AP2B1: variants seen among roughly 807,000 people sequenced by gnomAD.
AP2B1 encodes the protein adaptor related protein complex 2 subunit beta 1.
Under a neutral mutation model 102.0 loss-of-function variants are expected in AP2B1, and 23 were observed. The observed-to-expected ratio is 0.23, with a 90% CI of 0.16 to 0.32. AP2B1 has a LOEUF of 0.32. AP2B1 is among the 10% of genes least tolerant of loss of function. The pLI, the probability that AP2B1 is intolerant of heterozygous loss-of-function variation, is 1.00. For synonymous variants in AP2B1, 381 were observed against 421.2 expected, an observed-to-expected ratio of 0.90 and a Z score of 1.17; for missense variants, 541 against 1,157.4, an observed-to-expected ratio of 0.47 and a Z score of 7.73.
intron 5 of AP2B1, among the ~76,000 whole-genome samples, chr17:35,616,381 G>C (rs2074021638): frequency 6.6e-6 from 1 of 151,740 alleles, no homozygotes; most frequent in African/African-American, 2.4e-5. Context: ...TGTTAGTCAG[G>C]ATGGTCTCAA....
chr17:35,598,377 A>G (rs369223902), intron 3 of AP2B1, 42 bp downstream of exon 3: 3 of 1,255,690 alleles, frequency 2.4e-6, no homozygotes, highest in African/African-American at 3.0e-5. Context: ...TCAGAGGTCC[A>G]TACCCCATCT....
intron 13 of AP2B1, among the ~76,000 whole-genome samples, chr17:35,653,824 A>ACT (rs2075150312): frequency 6.6e-6 from 1 of 151,740 alleles, no homozygotes; most frequent in African/African-American, 2.4e-5. Flanking sequence ...CTACCCTGAG[A>ACT]CTCTGGGCAT....
At chr17:35,627,251 T>TTTTC in intron 7 of AP2B1, 134 bp from the exon 8 acceptor site, 1 of 383,278 alleles carries the variant, frequency 2.6e-6, no homozygotes, top group Admixed American at 5.1e-5. Context: ...TATGCTTTTT[T>TTTTC]TTTTTTTTTT....
At chr17:35,627,099 G>T (rs1417858714) in intron 7 of AP2B1, among the ~76,000 whole-genome samples, 2 of 152,116 alleles carry the variant, frequency 1.3e-5, no homozygotes. Context: ...TCTAGTGCCT[G>T]GTTGATATGG....
intron 5 of AP2B1, among the ~76,000 whole-genome samples, chr17:35,617,891 T>C (rs2074069187): frequency 6.6e-6 from 1 of 152,222 alleles, no homozygotes. Flanking sequence ...TGTTTATCGA[T>C]ATTTATTTGT....
chr17:35,651,378 G>T (rs767618804), intron 13 of AP2B1, among the ~76,000 whole-genome samples: 2 of 152,038 alleles, frequency 1.3e-5, no homozygotes, highest in Non-Finnish European at 2.9e-5. Context: ...TTATGAAAAG[G>T]CTCTTGGGTA....
At chr17:35,608,448 T>A (rs145718198) in intron 5 of AP2B1, 61 bp downstream of exon 5, 4 of 1,586,546 alleles carry the variant, frequency 2.5e-6, no homozygotes, top group Non-Finnish European at 3.4e-6. Context: ...TGTTAAAGCG[T>A]GTTTAATATG....
rs1634683 is a variant in AP2B1 at position 35,614,541 on chromosome 17, G to T, written c.525+6154G>T. Among the ~76,000 whole-genome samples, 1,291 of 151,796 alleles carry T rather than the reference G, an allele frequency of 8.5e-3. 11 individuals are homozygous for T. Among genetic ancestry groups the T allele is most frequent in the African/African-American group, 0.026 (1,069 of 41,414 alleles). ...CTCGTAAGTCCCTTTGGTTTACTGC[G>T]TAGCCCCTTTGATCTTCATCTTCCA... On this transcript the variant is annotated intron_variant, in intron 5 of 21. Coordinates refer to ENST00000610402, the MANE Select transcript of AP2B1 (RefSeq NM_001030006.2).
chr17:35,672,004 GGGCCCTT>G, intron 16 of AP2B1, 104 bp downstream of exon 16: 1 of 1,363,726 alleles, frequency 7.3e-7, no homozygotes, highest in Non-Finnish European at 1.0e-6. Flanking sequence ...TCAAAGGTTT[GGGCCCTT>G]GTTCTGGAGG....
intron 14 of AP2B1, among the ~76,000 whole-genome samples, chr17:35,660,483 T>TTA (rs2075333943): frequency 7.5e-6 from 1 of 132,798 alleles, no homozygotes; most frequent in African/African-American, 2.8e-5. Flanking sequence ...TTCTCTCTCT[T>TTA]TTTTTTTTTT....
At chr17:35,656,870 G>A (rs1192252001) in intron 13 of AP2B1, among the ~76,000 whole-genome samples, 2 of 133,284 alleles carry the variant, frequency 1.5e-5, no homozygotes, top group African/African-American at 6.0e-5. Context: ...GGGCGACAGA[G>A]CGAGACTCCG....
intron 14 of AP2B1, among the ~76,000 whole-genome samples, chr17:35,661,526 C>G (rs2142902376): frequency 6.6e-6 from 1 of 152,268 alleles, no homozygotes; most frequent in African/African-American, 2.4e-5. Context: ...GTTCTTTTCC[C>G]CCTGAATATT....
chr17:35,598,778 G>A (rs2073377947), intron 3 of AP2B1, among the ~76,000 whole-genome samples: 1 of 152,204 alleles, frequency 6.6e-6, no homozygotes, highest in African/African-American at 2.4e-5. Flanking sequence ...CCAAATCCAT[G>A]TAGTCTTATT....
intron 18 of AP2B1, among the ~76,000 whole-genome samples, chr17:35,687,985 A>G (rs2075970024): frequency 6.6e-6 from 1 of 152,236 alleles, no homozygotes; most frequent in Non-Finnish European, 1.5e-5. Flanking sequence ...ACTGTAATTC[A>G]ATCCCAAATT....
At chr17:35,657,161 T>A (rs1023566716) in intron 13 of AP2B1, among the ~76,000 whole-genome samples, 1 of 152,192 alleles carries the variant, frequency 6.6e-6, no homozygotes, top group Non-Finnish European at 1.5e-5. Flanking sequence ...TCCTATCAAT[T>A]ATGCAGACAC....
chr17:35,652,646 A>G (rs942200095), intron 13 of AP2B1, among the ~76,000 whole-genome samples: 8 of 152,138 alleles, frequency 5.3e-5, no homozygotes, highest in African/African-American at 1.9e-4. Flanking sequence ...TAATTTTCTT[A>G]TATTTTCCAT....
intron 4 of AP2B1, among the ~76,000 whole-genome samples, chr17:35,606,962 A>G (rs1046223340): frequency 6.6e-6 from 1 of 151,124 alleles, no homozygotes; most frequent in Non-Finnish European, 1.5e-5. Flanking sequence ...CTGGAGTGCA[A>G]TGGCGCAATC....
intron 18 of AP2B1, among the ~76,000 whole-genome samples, chr17:35,688,119 T>C (rs1224366100): frequency 6.6e-6 from 1 of 152,216 alleles, no homozygotes; most frequent in Non-Finnish European, 1.5e-5. Flanking sequence ...ATCTTAACCC[T>C]GGAGATTCAT....
At chr17:35,647,048 A>T (rs2074953078) in intron 12 of AP2B1, among the ~76,000 whole-genome samples, 1 of 152,220 alleles carries the variant, frequency 6.6e-6, no homozygotes, top group African/African-American at 2.4e-5. Flanking sequence ...TTAAGATATT[A>T]CTAGTCCATA....
Sources: allele counts gnomAD v4.1 joint callset (sites outside exome capture counted in the v4.1 genomes callset), GRCh38; gene constraint gnomAD v4.1.1; transcripts MANE v1.5; gene names NCBI Gene and HGNC (gene_info 2026-07-23, HGNC 2026-07-21).